KIF16B: variants seen among roughly 807,000 people sequenced by gnomAD.
KIF16B encodes the protein kinesin family member 16B, also known as kinesin-like protein KIF16B.
Under a neutral mutation model 156.3 loss-of-function variants are expected in KIF16B, and 98 were observed. That is an observed-to-expected ratio of 0.63 (90% CI 0.53 to 0.74). The LOEUF is 0.74. Ranked by LOEUF, KIF16B falls within the 30% of genes least tolerant of loss-of-function variation. KIF16B has a pLI of 0.00. For synonymous variants in KIF16B, 564 were observed against 583.7 expected (o/e 0.97, Z 0.49); for missense variants, 1,421 against 1,606.5 (o/e 0.88, Z 1.97).
At chr20:16,540,184 A>G (rs571523911) in intron 1 of KIF16B, among the ~76,000 whole-genome samples, 7 of 152,366 alleles carry the variant, frequency 4.6e-5, no homozygotes, top group African/African-American at 1.7e-4. Flanking sequence ...TTTGCAGCTC[A>G]ATAAATAGAT....
intron 17 of KIF16B, 127 bp from the exon 18 acceptor site, chr20:16,381,874 G>A (rs966222185): frequency 9.8e-6 from 8 of 814,856 alleles, no homozygotes; most frequent in Admixed American, 5.8e-5. Flanking sequence ...TAATTACCAC[G>A]GGTTAGCAAG....
chr20:16,499,485 T>C (rs891188407), intron 10 of KIF16B, among the ~76,000 whole-genome samples: 2 of 152,210 alleles, frequency 1.3e-5, no homozygotes, highest in African/African-American at 4.8e-5. Context: ...GGGAGCTTTG[T>C]TAGCATGTTA....
At chr20:16,353,278 A>G (rs2064375803) in intron 23 of KIF16B, among the ~76,000 whole-genome samples, 1 of 152,226 alleles carries the variant, frequency 6.6e-6, no homozygotes, top group Non-Finnish European at 1.5e-5. Context: ...AACAGGGCCT[A>G]CGCATGAAAT....
At chr20:16,360,183 G>A (rs2064524925) in intron 22 of KIF16B, among the ~76,000 whole-genome samples, 1 of 152,030 alleles carries the variant, frequency 6.6e-6, no homozygotes, top group South Asian at 2.1e-4. Flanking sequence ...GAGAAATGTG[G>A]AATTCTCAGG....
chr20:16,507,798 A>G (rs1022973461), intron 7 of KIF16B, among the ~76,000 whole-genome samples, 160 bp downstream of exon 7: 9 of 152,230 alleles, frequency 5.9e-5, no homozygotes, highest in African/African-American at 1.4e-4. Context: ...AGAGAAACTC[A>G]GCGCACAGCA....
At chr20:16,530,131 G>A (rs73101044) in intron 1 of KIF16B, among the ~76,000 whole-genome samples, 22,704 of 152,170 alleles carry the variant, frequency 0.15, 2,114 homozygotes, top group Non-Finnish European at 0.21. Context: ...GGGTTCCTTG[G>A]AGAAGTGATT....
At chr20:16,313,639 C>T (rs2093005) in intron 24 of KIF16B, among the ~76,000 whole-genome samples, 51,961 of 151,968 alleles carry the variant, frequency 0.34, 8,999 homozygotes, top group African/African-American at 0.37. Flanking sequence ...ACAATAGCAT[C>T]GCTTGGTTTT....
intron 25 of KIF16B, among the ~76,000 whole-genome samples, chr20:16,297,789 C>A (rs1325728999): frequency 7.9e-5 from 12 of 151,804 alleles, no homozygotes; most frequent in Admixed American, 7.9e-4. Flanking sequence ...AGTTGAACGA[C>A]AAGCCATACT....
chr20:16,288,651 T>C (rs1036263679), intron 25 of KIF16B, among the ~76,000 whole-genome samples: 4 of 150,054 alleles, frequency 2.7e-5, no homozygotes, highest in African/African-American at 9.9e-5. Context: ...ACACAGTATG[T>C]ACTGATGATA....
chr20:16,281,746 G>T (rs1287552712), intron 25 of KIF16B, among the ~76,000 whole-genome samples: 1 of 152,038 alleles, frequency 6.6e-6, no homozygotes, highest in Non-Finnish European at 1.5e-5. Flanking sequence ...GCCAGGCCTG[G>T]GTATTGAGCT....
At chr20:16,380,208 A>G (rs1182079910) in intron 18 of KIF16B, 45 bp from the exon 19 acceptor site, 1 of 1,428,212 alleles carries the variant, frequency 7.0e-7, no homozygotes, top group Non-Finnish European at 9.2e-7. Context: ...TCATTGTTCA[A>G]ATGTTGCTCT....
chr20:16,367,386 A>C, intron 22 of KIF16B: 2 of 1,612,922 alleles, frequency 1.2e-6, no homozygotes, highest in East Asian at 2.2e-5. Context: ...CTGGAACAAC[A>C]ACACACCTGA....
At chr20:16,405,160 C>T (rs758434066) in intron 16 of KIF16B, among the ~76,000 whole-genome samples, 2 of 152,114 alleles carry the variant, frequency 1.3e-5, no homozygotes, top group Non-Finnish European at 2.9e-5. Flanking sequence ...ATTCCACAAC[C>T]CAGTTGGTCT....
intron 20 of KIF16B, among the ~76,000 whole-genome samples, chr20:16,372,631 G>A (rs181885015): frequency 6.6e-6 from 1 of 152,296 alleles, no homozygotes; most frequent in East Asian, 1.9e-4. Context: ...TAATGGCAGA[G>A]ACTGCCCAAA....
chr20:16,355,058 G>C lies in KIF16B; in HGVS notation c.3621+1272C>G, dbSNP rs6111070. ...TTTTTCTTTTCTAACGGAAAACTTAGTATATAGAAATAAAATCCTAAAAGT... is the reference window on the plus strand; with the variant it reads ...TTTTTCTTTTCTAACGGAAAACTTACTATATAGAAATAAAATCCTAAAAGT... On this transcript the variant is annotated intron_variant, in intron 23 of 25. Coordinates refer to ENST00000354981, the MANE Select transcript of KIF16B (RefSeq NM_024704.5). Among the ~76,000 whole-genome samples, 7 of 151,074 alleles carry C rather than the reference G, an allele frequency of 4.6e-5. No homozygotes were observed. The East Asian group carries it at 1.4e-3, about 29-fold the overall frequency.
intron 12 of KIF16B, among the ~76,000 whole-genome samples, chr20:16,475,212 C>CAT (rs377265864): frequency 1.6e-3 from 239 of 152,304 alleles, no homozygotes; most frequent in African/African-American, 5.2e-3. Context: ...CAAGCACTGA[C>CAT]ATAAGAGTAT....
At chr20:16,286,369 A>T (rs559973044) in intron 25 of KIF16B, among the ~76,000 whole-genome samples, 57 of 152,298 alleles carry the variant, frequency 3.7e-4, no homozygotes, top group African/African-American at 1.3e-3. Context: ...TCTCTCCAGC[A>T]GTGTTGGAGA....
chr20:16,527,925 T>A (rs1025429210), intron 2 of KIF16B, among the ~76,000 whole-genome samples: 8 of 152,216 alleles, frequency 5.3e-5, no homozygotes, highest in South Asian at 2.1e-4. Context: ...TGGTTTTTTT[T>A]AATCTTTCCT....
chr20:16,385,184 C>T (rs897443872), intron 17 of KIF16B, among the ~76,000 whole-genome samples: 70 of 146,668 alleles, frequency 4.8e-4, no homozygotes, highest in African/African-American at 1.4e-3. Context: ...GGGACAAGAG[C>T]GTAACTCTGT....
Sources: allele counts gnomAD v4.1 joint callset (sites outside exome capture counted in the v4.1 genomes callset), GRCh38; gene constraint gnomAD v4.1.1; transcripts MANE v1.5; gene names NCBI Gene and HGNC (gene_info 2026-07-23, HGNC 2026-07-21).